Variants in MYO1E observed in about 807,000 individuals in gnomAD.
The protein encoded by MYO1E is unconventional myosin-Ie.
A neutral mutation model predicts 151.1 loss-of-function variants in MYO1E; 68 were observed. That is an observed-to-expected ratio of 0.45 (90% CI 0.37 to 0.55). The LOEUF is 0.55. MYO1E is among the 20% of genes least tolerant of loss of function. The pLI, the probability that MYO1E is intolerant of heterozygous loss-of-function variation, is 0.00. For synonymous variants in MYO1E, 601 were observed against 501.7 expected (o/e 1.20, Z -2.64); for missense variants, 1,363 against 1,389.3 (o/e 0.98, Z 0.30).
intron 1 of MYO1E, chr15:59,341,476 C>CA (rs1301108008): frequency 1.3e-5 from 2 of 152,126 alleles, no homozygotes; most frequent in Admixed American, 1.3e-4. Context: ...ACCCATTAAC[C>CA]ATAACCCCTG....
rs189689168 is a variant in MYO1E, at chr15:59,351,818, G to A, written c.3+20680C>T. 6.1e-3 allele frequency among the ~76,000 whole-genome samples: 936 copies of A among 152,272 alleles called. 5 individuals are homozygous for A. The highest frequency in any genetic ancestry group is 0.02 in the Middle Eastern group (6 of 294). ...CTGTCTCCAGCATAGATGCCTGGGG[G>A]AATTCTAAAAGGAAAACCAGGTAGG... is the stretch of plus-strand genomic sequence containing the variant. On this transcript the variant is annotated intron_variant, in intron 1 of 27. Coordinates refer to ENST00000288235, the MANE Select transcript of MYO1E (RefSeq NM_004998.4).
At chr15:59,178,798 G>A (rs181975321) in intron 18 of MYO1E, among the ~76,000 whole-genome samples, 38 of 152,262 alleles carry the variant, frequency 2.5e-4, no homozygotes, top group Non-Finnish European at 4.0e-4. Flanking sequence ...GAAAACCTGC[G>A]TACTCTTTCT....
At chr15:59,237,032 A>T (rs2080071195) in intron 4 of MYO1E, among the ~76,000 whole-genome samples, 1 of 152,266 alleles carries the variant, frequency 6.6e-6, no homozygotes, top group African/African-American at 2.4e-5. Context: ...TAAACACAGG[A>T]AACAAGCAAA....
intron 1 of MYO1E, among the ~76,000 whole-genome samples, chr15:59,314,771 CCT>C (rs1388994651): frequency 1.3e-5 from 2 of 152,074 alleles, no homozygotes; most frequent in African/African-American, 4.8e-5. Flanking sequence ...ACAGGACAAA[CCT>C]CCACAACAAA....
intron 1 of MYO1E, among the ~76,000 whole-genome samples, chr15:59,310,196 C>G (rs1373199892): frequency 6.6e-6 from 1 of 152,136 alleles, no homozygotes; most frequent in Non-Finnish European, 1.5e-5. Flanking sequence ...ATGACACTGC[C>G]AAGTTGACCA....
chr15:59,290,978 AGT>A (rs1267506953), intron 1 of MYO1E, among the ~76,000 whole-genome samples: 2 of 152,240 alleles, frequency 1.3e-5, no homozygotes, highest in African/African-American at 4.8e-5. Flanking sequence ...GGTAGAAAAG[AGT>A]GTGCTCACAC....
rs116038865 is a variant in MYO1E, at chr15:59,273,120, C to T, written c.4-671G>A. ...GAGGATGTGGACAGGACAGACGAAA[C>T]GAGATCACGGAACATGCCCAGGAGG... On this transcript the variant is annotated intron_variant, in intron 1 of 27. Transcript: ENST00000288235. 8.2e-4 allele frequency among the ~76,000 whole-genome samples: 125 copies of T among 152,302 alleles called. 1 individual carries two copies. In the East Asian group the frequency reaches 0.019, roughly 24 times the overall value.
chr15:59,244,577 G>A (rs2080118713), intron 4 of MYO1E, among the ~76,000 whole-genome samples: 1 of 152,124 alleles, frequency 6.6e-6, no homozygotes, highest in Non-Finnish European at 1.5e-5. Flanking sequence ...GACTGAAAGT[G>A]GTAATGGATT....
chr15:59,365,295 G>C (rs1029861990), intron 1 of MYO1E, among the ~76,000 whole-genome samples: 1 of 151,938 alleles, frequency 6.6e-6, no homozygotes, highest in South Asian at 2.1e-4. Context: ...CTGGGATTAC[G>C]GGCGTTAGCC....
intron 1 of MYO1E, among the ~76,000 whole-genome samples, chr15:59,276,853 G>A (rs534049149): frequency 1.3e-4 from 20 of 152,304 alleles, no homozygotes; most frequent in African/African-American, 4.6e-4. Flanking sequence ...GCATACACAG[G>A]AAGGATTATT....
At chr15:59,171,841 G>C in intron 22 of MYO1E, 56 bp downstream of exon 22, 1 of 1,611,510 alleles carries the variant, frequency 6.2e-7, no homozygotes, top group South Asian at 1.1e-5. Context: ...TGGAACAGCG[G>C]ACCGTGATGC....
chr15:59,312,866 A>G (rs1177376836), intron 1 of MYO1E, among the ~76,000 whole-genome samples: 1 of 151,644 alleles, frequency 6.6e-6, no homozygotes, highest in Admixed American at 6.6e-5. Flanking sequence ...AAAAATAATA[A>G]TAATAATAAT....
chr15:59,260,647 T>C (rs573456613), intron 3 of MYO1E, among the ~76,000 whole-genome samples: 2 of 152,328 alleles, frequency 1.3e-5, no homozygotes, highest in South Asian at 4.1e-4. Context: ...ATGGAGCTGA[T>C]TATGAATAGG....
At chr15:59,213,162 T>TATG (rs1343144988) in intron 12 of MYO1E, among the ~76,000 whole-genome samples, 1 of 147,654 alleles carries the variant, frequency 6.8e-6, no homozygotes, top group African/African-American at 2.5e-5. Flanking sequence ...TTATTATTAT[T>TATG]ATTATTATTA....
At chr15:59,216,666 G>GTATATATATATA (rs368761394) in intron 10 of MYO1E, among the ~76,000 whole-genome samples, 48 of 30,874 alleles carry the variant, frequency 1.6e-3, no homozygotes, top group Non-Finnish European at 2.8e-3. Flanking sequence ...GTGTGTATGT[G>GTATATATATATA]TATATATATA....
At chr15:59,313,288 A>G (rs755395904) in intron 1 of MYO1E, among the ~76,000 whole-genome samples, 4 of 152,182 alleles carry the variant, frequency 2.6e-5, no homozygotes, top group Non-Finnish European at 4.4e-5. Flanking sequence ...CAACACACAC[A>G]CAGACCAAAT....
rs530114332 is a variant in MYO1E at position 59,301,108 on chromosome 15, T to TA, written c.4-28660dup. On this transcript the variant is annotated intron_variant, in intron 1 of 27. Coordinates refer to ENST00000288235, the MANE Select transcript of MYO1E (RefSeq NM_004998.4). Reference sequence around the variant, plus strand: ...GTCTTGAAATCCTGACTTCAGGTGATACGTCTGCCTCGACCTCCTAAAGTG... The same window carrying TA: ...GTCTTGAAATCCTGACTTCAGGTGATAACGTCTGCCTCGACCTCCTAAAGTG... 2.1e-3 allele frequency among the ~76,000 whole-genome samples: 325 copies of TA among 152,282 alleles called. 1 individual carries two copies. The highest frequency in any genetic ancestry group is 0.01 in the Middle Eastern group (3 of 294).
chr15:59,281,949 C>G (rs1282359979), intron 1 of MYO1E, among the ~76,000 whole-genome samples: 1 of 146,952 alleles, frequency 6.8e-6, no homozygotes, highest in South Asian at 2.2e-4. Flanking sequence ...GGTGACAAAG[C>G]AAGACCCTGT....
chr15:59,175,421 A>G (rs1173837388), intron 19 of MYO1E, among the ~76,000 whole-genome samples: 2 of 152,214 alleles, frequency 1.3e-5, no homozygotes, highest in Non-Finnish European at 2.9e-5. Context: ...GTCTCTGTTT[A>G]TCCGGGTGCA....
Sources: allele counts gnomAD v4.1 joint callset (sites outside exome capture counted in the v4.1 genomes callset), GRCh38; gene constraint gnomAD v4.1.1; transcripts MANE v1.5; gene names NCBI Gene and HGNC (gene_info 2026-07-23, HGNC 2026-07-21).